The following SANBR variants were observed in gnomAD, a reference collection of about 807,000 sequenced individuals.
SANBR encodes the protein SANT and BTB domain regulator of CSR.
In SANBR, 77 loss-of-function variants were observed where a neutral mutation model predicts 101.8. That is an observed-to-expected ratio of 0.76 (90% CI 0.63 to 0.91). The LOEUF (loss-of-function observed/expected upper bound fraction) is 0.91. Ranked by LOEUF, SANBR falls within the 40% of genes least tolerant of loss-of-function variation. The probability of loss-of-function intolerance (pLI) is 0.00; values close to 1 mark genes in which losing one functional copy is unlikely to be tolerated. For missense variants in SANBR, 875 were observed against 853.0 expected (o/e 1.03, Z -0.32); for synonymous variants, 279 against 274.7 (o/e 1.02, Z -0.15).
chr2:61,095,389 T>G (rs1000906111), intron 11 of SANBR, among the ~76,000 whole-genome samples: 15 of 152,160 alleles, frequency 9.9e-5, no homozygotes, highest in African/African-American at 3.6e-4. Context: ...TCTCAAATTT[T>G]TAAAATTAAA....
chr2:61,124,157 C>G lies in SANBR; in HGVS notation c.*1995C>G, dbSNP rs1191452150. The G allele has an allele frequency of 3.2e-5, 31 of 982,190 alleles. No homozygotes were observed. Among genetic ancestry groups the G allele is most frequent in the Non-Finnish European group, 3.6e-5 (30 of 826,982 alleles). 60.8% of individuals were successfully genotyped at this position (982,190 alleles called of 1,614,324 possible). ...TAATGTTTGTCTGTTATACATAGCACTGGTACCGCAAACATTTTACTTAAA... is the reference window on the plus strand; with the variant it reads ...TAATGTTTGTCTGTTATACATAGCAGTGGTACCGCAAACATTTTACTTAAA... On this transcript the variant is annotated 3_prime_UTR_variant, in exon 22 of 22. Transcript: ENST00000402291.
chr2:61,128,896 A>G (rs1684595248), downstream of SANBR, among the ~76,000 whole-genome samples: 1 of 151,994 alleles, frequency 6.6e-6, no homozygotes, highest in African/African-American at 2.4e-5. Context: ...CAGGAGTTGG[A>G]GGCTGCAGTG....
chr2:61,073,718 G>C (rs1338958429), intron 5 of SANBR, among the ~76,000 whole-genome samples, 167 bp downstream of exon 5: 1 of 151,700 alleles, frequency 6.6e-6, no homozygotes, highest in Non-Finnish European at 1.5e-5. Flanking sequence ...ACTTATTCAT[G>C]TTATTATTTA....
Position 61,071,685 on chromosome 2 carries a change from G to T in SANBR, c.230G>T (p.Gly77Val), listed in dbSNP as rs1681480063. The T allele has an allele frequency of 1.2e-6, 2 of 1,606,016 alleles. No homozygotes were observed. The highest frequency in any genetic ancestry group is 1.7e-6 in the Non-Finnish European group (2 of 1,177,228). ...CAGTATAATTCCCTAATGGCTGCTG[G>T]AGAGAGTCCTGTTGAAACTTTAGCC... ...DNQYNSLMAAGESPVETLATY... is the reference protein window; with the variant it reads ...DNQYNSLMAAVESPVETLATY... Residue 77 changes from glycine to valine, a missense_variant, in exon 4 of 22, where the codon GGA becomes GTA. Physicochemically the swap from Gly to Val is moderately radical, Grantham distance 109. Transcript: ENST00000402291.
chr2:61,086,438 T>G (rs974971225), intron 8 of SANBR, among the ~76,000 whole-genome samples: 1 of 152,134 alleles, frequency 6.6e-6, no homozygotes, highest in Non-Finnish European at 1.5e-5. Flanking sequence ...TTTTTAATTG[T>G]TAGCAAAATA....
intron 16 of SANBR, among the ~76,000 whole-genome samples, chr2:61,111,964 G>C (rs1354620641): frequency 6.6e-6 from 1 of 152,136 alleles, no homozygotes; most frequent in African/African-American, 2.4e-5. Context: ...ATGGGCATAT[G>C]GGTGCTTTCC....
At chr2:61,113,678 T>G (rs1683941605) in intron 16 of SANBR, among the ~76,000 whole-genome samples, 1 of 152,240 alleles carries the variant, frequency 6.6e-6, no homozygotes, top group African/African-American at 2.4e-5. Context: ...TCCTGTGACC[T>G]TGCTAAATTC....
Position 61,092,451 on chromosome 2 carries a change from G to A in SANBR, c.1089-13G>A, listed in dbSNP as rs1317354080. ...TATATCACTTGCTTGTAAAATTGAGGCTCTTTCTCCAGAGATAAGACATGG... is the reference window on the plus strand; with the variant it reads ...TATATCACTTGCTTGTAAAATTGAGACTCTTTCTCCAGAGATAAGACATGG... On this transcript the variant is annotated splice_polypyrimidine_tract_variant and intron_variant, in intron 10 of 21. Coordinates refer to ENST00000402291, the MANE Select transcript of SANBR (RefSeq NM_001129993.3). The A allele has an allele frequency of 2.6e-6, 4 of 1,520,286 alleles. No individual in the cohort carries two copies. The highest frequency in any genetic ancestry group is 2.6e-6 in the Non-Finnish European group (3 of 1,137,640). The allele number at this position is 1,520,286 out of a possible 1,614,324, so 94.2% of individuals were successfully genotyped here.
At chr2:61,099,384 TA>T (rs1683182819) in intron 12 of SANBR, among the ~76,000 whole-genome samples, 1 of 152,128 alleles carries the variant, frequency 6.6e-6, no homozygotes. Flanking sequence ...ATTTAAGAGA[TA>T]AAACTGAAAT....
chr2:61,074,809 C>A (rs1045758507), intron 5 of SANBR, among the ~76,000 whole-genome samples: 1 of 152,130 alleles, frequency 6.6e-6, no homozygotes, highest in Non-Finnish European at 1.5e-5. Context: ...GTCTAAAAAA[C>A]TATGGAAACT....
At chr2:61,126,724 C>A (rs1684523866), downstream of SANBR, among the ~76,000 whole-genome samples, 1 of 148,058 alleles carries the variant, frequency 6.8e-6, no homozygotes, top group Non-Finnish European at 1.5e-5. Flanking sequence ...ATCACTTGAA[C>A]CCGGAAGGTG....
At chr2:61,109,357 C>T in intron 16 of SANBR, 61 bp downstream of exon 16, 1 of 928,768 alleles carries the variant, frequency 1.1e-6, no homozygotes, top group South Asian at 2.0e-5. Context: ...ATTCTGAAGC[C>T]TTTAATGCAA....
chr2:61,082,173 A>G (rs1682169209), intron 7 of SANBR, among the ~76,000 whole-genome samples: 1 of 152,128 alleles, frequency 6.6e-6, no homozygotes, highest in Non-Finnish European at 1.5e-5. Flanking sequence ...ATATTCCTGT[A>G]TTCTTTCTAC....
At position 61,123,987 on chromosome 2, in the gene SANBR, G is replaced by A. The variant is rs535193180; in HGVS notation, c.*1825G>A. 206 of 320,686 alleles carry A rather than the reference G, an allele frequency of 6.4e-4. 1 individual carries two copies. The highest frequency in any genetic ancestry group is 4.4e-3 in the African/African-American group (197 of 44,576). 19.9% of individuals were successfully genotyped at this position (320,686 alleles called of 1,614,324 possible). A position where few individuals can be genotyped will look rare whatever the true frequency, so the allele number is the denominator to read the frequency against. ...CATACACCTGTAGTCCCAGCTACTC[G>A]GGAGGCTGAGGCACAAGAATTGTTT... On this transcript the variant is annotated 3_prime_UTR_variant, in exon 22 of 22. Coordinates refer to ENST00000402291, the MANE Select transcript of SANBR (RefSeq NM_001129993.3).
chr2:61,066,245 C>T (rs1001875763), intron 1 of SANBR: 1 of 152,462 alleles, frequency 6.6e-6, no homozygotes, highest in African/African-American at 2.4e-5. Context: ...CGGTCCATGT[C>T]CCTGCAGACC....
Position 61,097,725 on chromosome 2 carries a change from A to G in SANBR, c.1238A>G (p.His413Arg), listed in dbSNP as rs1302995732. 3 of 1,604,262 alleles carry G rather than the reference A, an allele frequency of 1.9e-6. No homozygotes were observed. Among genetic ancestry groups the G allele is most frequent in the Non-Finnish European group, 2.6e-6 (3 of 1,173,548 alleles). Reference protein sequence around the residue: ...YQAFLCIEFSHCQYHSETVVY... With the variant: ...YQAFLCIEFSRCQYHSETVVY... ...GCCTTTCTCTGTATTGAATTTTCACATTGTCAATACCACTCAGAAACAGTG... is the reference window on the plus strand; with the variant it reads ...GCCTTTCTCTGTATTGAATTTTCACGTTGTCAATACCACTCAGAAACAGTG... Residue 413 changes from histidine (H) to arginine (R), a missense_variant, in exon 12 of 22, where the codon CAT becomes CGT. Coordinates refer to ENST00000402291, the MANE Select transcript of SANBR (RefSeq NM_001129993.3).
At chr2:61,105,205 AC>A (rs1207801315) in intron 13 of SANBR, among the ~76,000 whole-genome samples, 9 of 151,854 alleles carry the variant, frequency 5.9e-5, no homozygotes, top group Admixed American at 5.9e-4. Context: ...ACATGGTGAA[AC>A]CCCGTCTGTA....
chr2:61,094,107 G>T (rs1682912155), intron 11 of SANBR: 2 of 979,168 alleles, frequency 2.0e-6, no homozygotes, highest in Admixed American at 6.2e-5. Flanking sequence ...CCCACTCAAT[G>T]GGTTCTGTGT....
chr2:61,109,904 C>T (rs1179727280), intron 16 of SANBR, among the ~76,000 whole-genome samples: 5 of 151,888 alleles, frequency 3.3e-5, no homozygotes, highest in East Asian at 3.9e-4. Context: ...CCACCTGCCT[C>T]GGCCTCCCAA....
Sources: gnomAD v4.1 joint callset for allele counts (sites outside exome capture counted in the v4.1 genomes callset) on GRCh38, gnomAD v4.1.1 for gene constraint, MANE v1.5 for transcripts, NCBI Gene and HGNC (gene_info 2026-07-23, HGNC 2026-07-21) for gene names.